Variants in SNTG1 observed in about 807,000 individuals in gnomAD.
The protein encoded by SNTG1 is gamma-1-syntrophin.
Under a neutral mutation model 74.7 loss-of-function variants are expected in SNTG1, and 39 were observed. The observed-to-expected ratio is 0.52, with a 90% CI of 0.40 to 0.68. The LOEUF is 0.68. SNTG1 is among the 30% of genes least tolerant of loss of function. The probability of loss-of-function intolerance (pLI) is 0.00; values close to 1 mark genes in which losing one functional copy is unlikely to be tolerated. For missense variants in SNTG1, 685 were observed against 609.5 expected, an observed-to-expected ratio of 1.12 and a Z score of -1.30; for synonymous variants, 254 against 217.1, an observed-to-expected ratio of 1.17 and a Z score of -1.49.
rs1029495599 is a variant in SNTG1 at position 50,208,382 on chromosome 8, C to T, written c.-28+35747C>T. Among the ~76,000 whole-genome samples the T allele has an allele frequency of 3.7e-4, 56 of 152,032 alleles. 1 individual carries two copies. Among genetic ancestry groups the T allele is most frequent in the Non-Finnish European group, 6.3e-4 (43 of 68,006 alleles). ...GTTTTATCAGAGACTGGGATTGTAA[C>T]CCTTGCTTTTTTTTGTTTTCCATTT... On this transcript the variant is annotated intron_variant, in intron 2 of 18. Transcript: ENST00000642720.
At chr8:50,103,941 T>C (rs2131256137) in intron 1 of SNTG1, among the ~76,000 whole-genome samples, 1 of 152,328 alleles carries the variant, frequency 6.6e-6, no homozygotes, top group Non-Finnish European at 1.5e-5. Context: ...AGCTTTTTGA[T>C]GTGCTGCTGG....
chr8:50,301,244 G>A (rs994016844), intron 2 of SNTG1, among the ~76,000 whole-genome samples: 2 of 151,978 alleles, frequency 1.3e-5, no homozygotes, highest in African/African-American at 4.8e-5. Context: ...AATGGACTAT[G>A]GGGCGCTTTA....
chr8:50,256,615 T>A (rs1479518045), intron 2 of SNTG1, among the ~76,000 whole-genome samples: 6 of 151,880 alleles, frequency 4.0e-5, no homozygotes, highest in Non-Finnish European at 7.4e-5. Flanking sequence ...GGAAAAAAAA[T>A]TATATTTAAC....
At chr8:50,212,082 C>T (rs1381591627) in intron 2 of SNTG1, among the ~76,000 whole-genome samples, 3 of 152,062 alleles carry the variant, frequency 2.0e-5, no homozygotes, top group Non-Finnish European at 4.4e-5. Flanking sequence ...AGAATAGCCC[C>T]CAAATTTTAC....
chr8:50,281,649 G>T (rs1229994554), intron 2 of SNTG1, among the ~76,000 whole-genome samples: 2 of 152,084 alleles, frequency 1.3e-5, no homozygotes, highest in African/African-American at 4.8e-5. Context: ...TTTATGGATA[G>T]GTAACAGTAG....
intron 11 of SNTG1, among the ~76,000 whole-genome samples, chr8:50,546,096 G>A (rs11774320): frequency 6.6e-6 from 1 of 152,138 alleles, no homozygotes; most frequent in East Asian, 1.9e-4. Flanking sequence ...GGATGTCATA[G>A]AAGTTATTTC....
intron 1 of SNTG1, among the ~76,000 whole-genome samples, chr8:50,128,177 C>T (rs1002700388): frequency 6.6e-6 from 1 of 152,144 alleles, no homozygotes; most frequent in Non-Finnish European, 1.5e-5. Context: ...AGAGAAACTA[C>T]TTGCTTATCC....
chr8:50,250,056 G>GA (rs138009983), intron 2 of SNTG1, among the ~76,000 whole-genome samples: 109 of 149,810 alleles, frequency 7.3e-4, no homozygotes, highest in African/African-American at 2.3e-3. Context: ...AGAGGATCTA[G>GA]AAAAAAAAAT....
At chr8:50,138,266 A>C (rs369898808) in intron 1 of SNTG1, among the ~76,000 whole-genome samples, 1 of 152,052 alleles carries the variant, frequency 6.6e-6, no homozygotes, top group Non-Finnish European at 1.5e-5. Flanking sequence ...GTTCAGAAAA[A>C]AAAACAGCAA....
intron 1 of SNTG1, among the ~76,000 whole-genome samples, chr8:49,983,769 G>T (rs1585766931): frequency 6.6e-6 from 1 of 152,340 alleles, no homozygotes; most frequent in African/African-American, 2.4e-5. Flanking sequence ...CAGTGGTATA[G>T]AATAATCACA....
chr8:50,576,355 A>G (rs1175167358), intron 12 of SNTG1, among the ~76,000 whole-genome samples: 1 of 152,174 alleles, frequency 6.6e-6, no homozygotes, highest in South Asian at 2.1e-4. Context: ...TTAGACCTAT[A>G]GCACATAGTT....
At chr8:50,553,620 T>C (rs2130612939) in intron 12 of SNTG1, among the ~76,000 whole-genome samples, 1 of 152,278 alleles carries the variant, frequency 6.6e-6, no homozygotes, top group South Asian at 2.1e-4. Context: ...ATTGCCATTG[T>C]CTCACATTAG....
At chr8:50,360,659 C>T (rs1021965017) in intron 2 of SNTG1, among the ~76,000 whole-genome samples, 2 of 152,144 alleles carry the variant, frequency 1.3e-5, no homozygotes, top group African/African-American at 4.8e-5. Flanking sequence ...GCCTCCACAG[C>T]ACATTACTAT....
chr8:50,385,858 T>C (rs1204443495), intron 2 of SNTG1, among the ~76,000 whole-genome samples: 1 of 152,190 alleles, frequency 6.6e-6, no homozygotes, highest in Non-Finnish European at 1.5e-5. Context: ...CTGGCTAAGC[T>C]TGTGGTAATC....
intron 9 of SNTG1, among the ~76,000 whole-genome samples, chr8:50,529,455 C>T (rs997857278): frequency 1.6e-4 from 24 of 151,688 alleles, no homozygotes; most frequent in Non-Finnish European, 2.1e-4. Context: ...ATTAATTGAG[C>T]GTCAATTATA....
intron 2 of SNTG1, among the ~76,000 whole-genome samples, chr8:50,292,933 G>T (rs1359812185): frequency 1.3e-5 from 2 of 152,082 alleles, no homozygotes; most frequent in Non-Finnish European, 2.9e-5. Context: ...GACCCTAGCA[G>T]AGGAGGTGGA....
At chr8:50,487,334 C>G (rs1481706510) in intron 8 of SNTG1, among the ~76,000 whole-genome samples, 2 of 152,204 alleles carry the variant, frequency 1.3e-5, no homozygotes, top group African/African-American at 2.4e-5. Flanking sequence ...CATCCCATTA[C>G]TGGGTATATA....
chr8:50,015,168 A>G (rs936950649), intron 1 of SNTG1, among the ~76,000 whole-genome samples: 1 of 152,132 alleles, frequency 6.6e-6, no homozygotes, highest in Non-Finnish European at 1.5e-5. Flanking sequence ...GTCTCACACA[A>G]CAGAGAATAT....
chr8:50,137,407 C>T (rs936198812), intron 1 of SNTG1, among the ~76,000 whole-genome samples: 2 of 152,150 alleles, frequency 1.3e-5, no homozygotes, highest in Non-Finnish European at 2.9e-5. Context: ...TTCCATCTTT[C>T]ATTTAGCAAT....
Sources: gnomAD v4.1 joint callset for allele counts (sites outside exome capture counted in the v4.1 genomes callset) on GRCh38, gnomAD v4.1.1 for gene constraint, MANE v1.5 for transcripts, NCBI Gene and HGNC (gene_info 2026-07-23, HGNC 2026-07-21) for gene names.